Variants in NLE1 observed in about 807,000 individuals in gnomAD.
NLE1 encodes the protein notchless protein homolog 1.
Under a neutral mutation model 62.8 loss-of-function variants are expected in NLE1, and 37 were observed. The ratio of observed to expected loss-of-function variants is 0.59; its 90% confidence interval spans 0.45 to 0.78. The LOEUF (loss-of-function observed/expected upper bound fraction) is 0.78. Among genes scored for constraint, NLE1 ranks in the 30% least tolerant of loss-of-function variants. NLE1 has a pLI of 0.00. For missense variants in NLE1, 555 were observed against 637.9 expected (o/e 0.87, Z 1.40); for synonymous variants, 243 against 253.0 (o/e 0.96, Z 0.37).
chr17:35,133,777 G>A (rs574657498), intron 10 of NLE1, among the ~76,000 whole-genome samples: 366 of 152,180 alleles, frequency 2.4e-3, no homozygotes, highest in Non-Finnish European at 4.6e-3. Flanking sequence ...AGACTCCAAC[G>A]TGGCCATCTG....
At chr17:35,135,748 T>C (rs948891842) in intron 9 of NLE1, among the ~76,000 whole-genome samples, 1 of 152,280 alleles carries the variant, frequency 6.6e-6, no homozygotes, top group South Asian at 2.1e-4. Context: ...TGTATGCATG[T>C]GTGTGTGTGC....
At chr17:35,136,830 T>C (rs1460408908) in intron 7 of NLE1, among the ~76,000 whole-genome samples, 171 bp downstream of exon 7, 2 of 152,136 alleles carry the variant, frequency 1.3e-5, no homozygotes, top group African/African-American at 4.8e-5. Flanking sequence ...ATCTCCACTA[T>C]GGTGCAGCAC....
Position 35,130,442 on chromosome 17 carries a change from G to A in NLE1, c.*1995C>T. 1 of 1,612,146 alleles carries A rather than the reference G, an allele frequency of 6.2e-7. No individual in the cohort carries two copies. The highest frequency in any genetic ancestry group is 8.5e-7 in the Non-Finnish European group (1 of 1,179,054). On this transcript the variant is annotated 3_prime_UTR_variant, in exon 13 of 13. Transcript: ENST00000442241. ...TACCTATTTCCCTGTTAAGGGGGAGGGCCCCAGGACACCCCTCACCTACTT... is the reference window on the plus strand; with the variant it reads ...TACCTATTTCCCTGTTAAGGGGGAGAGCCCCAGGACACCCCTCACCTACTT...
intron 4 of NLE1, among the ~76,000 whole-genome samples, chr17:35,138,908 G>C (rs1415157660): frequency 1.3e-5 from 2 of 150,788 alleles, no homozygotes; most frequent in Non-Finnish European, 2.9e-5. Context: ...GTTTCTGCTT[G>C]TGTCTAAGTG....
intron 11 of NLE1, 34 bp from the exon 12 acceptor site, chr17:35,133,275 TGA>T (rs1567743762): frequency 2.5e-6 from 4 of 1,613,818 alleles, no homozygotes; most frequent in Non-Finnish European, 3.4e-6. Context: ...GGTGGGGTGG[TGA>T]GAGGGAGACA....
rs144006191 is a variant in NLE1, at chr17:35,138,906, TTG to T, written c.460+327_460+328del. Among the ~76,000 whole-genome samples the T allele has an allele frequency of 4.6e-3, 700 of 152,166 alleles. 12 individuals are homozygous for T. In the East Asian group the frequency reaches 0.069, roughly 15 times the overall value. ...ATTGACTCCTTGGTGCAGTTTCTGC[TTG>T]TGTCTAAGTGGCTGGCTGGGCTCAA... is the stretch of plus-strand genomic sequence containing the variant. On this transcript the variant is annotated intron_variant, in intron 4 of 12. Transcript: ENST00000442241.
chr17:35,136,943 C>T, intron 7 of NLE1, 58 bp downstream of exon 7: 1 of 1,462,870 alleles, frequency 6.8e-7, no homozygotes, highest in Non-Finnish European at 9.4e-7. Context: ...ATTCTGAGTG[C>T]CAGCATCTTG....
In NLE1 at chr17:35,130,962, T is replaced by C. The variant is rs576046298; in HGVS notation, c.*1475A>G. The C allele has an allele frequency of 1.3e-4, 21 of 156,280 alleles. No homozygotes were observed. Among genetic ancestry groups the C allele is most frequent in the Admixed American group, 4.3e-4 (7 of 16,364 alleles). The allele number at this position is 156,280 out of a possible 1,614,324, so 9.7% of individuals were successfully genotyped here. A position where few individuals can be genotyped will look rare whatever the true frequency, so the allele number is the denominator to read the frequency against. On this transcript the variant is annotated 3_prime_UTR_variant, in exon 13 of 13. Transcript: ENST00000442241. ...CAGAAAAATACAGAAATAGCTGTCA[T>C]GGACAGACGTGGTGGCCCATGAACT...
At position 35,130,966 on chromosome 17, in the gene NLE1, CA is replaced by C. The variant is rs2091873160; in HGVS notation, c.*1470del. 1.3e-5 allele frequency: 2 copies of C among 156,074 alleles called. No individual in the cohort carries two copies. The highest frequency in any genetic ancestry group is 6.1e-5 in the Admixed American group (1 of 16,332). The allele number at this position is 156,074 out of a possible 1,614,324, so 9.7% of individuals were successfully genotyped here. A position where few individuals can be genotyped will look rare whatever the true frequency, so the allele number is the denominator to read the frequency against. ...AAAATACAGAAATAGCTGTCATGGA[CA>C]GACGTGGTGGCCCATGAACTGTCAA... On this transcript the variant is annotated 3_prime_UTR_variant, in exon 13 of 13. Coordinates refer to ENST00000442241, the MANE Select transcript of NLE1 (RefSeq NM_018096.5).
At chr17:35,137,727 T>TC (rs1321751527) in intron 5 of NLE1, 87 bp from the exon 6 acceptor site, 1 of 541,860 alleles carries the variant, frequency 1.8e-6, no homozygotes, top group Admixed American at 2.3e-5. Context: ...CACCCAACCC[T>TC]CCCCAAAGAC....
At chr17:35,141,884 C>A in intron 2 of NLE1, 95 bp downstream of exon 2, 1 of 1,377,218 alleles carries the variant, frequency 7.3e-7, no homozygotes, top group Non-Finnish European at 9.9e-7. Flanking sequence ...AGTCCGTTAG[C>A]GGGGGACCAT....
Position 35,136,426 on chromosome 17 carries a change from G to C in NLE1, c.900C>G (p.Ala300=). ...VNTMALSTDY[A]LRTGAFEPAE... ...CAGGTTCAAAGGCCCCAGTGCGCAG[G>C]GCATAGTCAGTGCTGAGGGCCATGG... Residue 300 remains alanine (A), a synonymous_variant, in exon 8 of 13, where the codon GCC becomes GCG. Transcript: ENST00000442241. 4 of 1,614,164 alleles carry C rather than the reference G, an allele frequency of 2.5e-6. No homozygotes were observed. In the African/African-American group the frequency reaches 4.0e-5, roughly 16 times the overall value.
At chr17:35,135,866 G>A (rs1017617160) in intron 9 of NLE1, among the ~76,000 whole-genome samples, 7 of 152,130 alleles carry the variant, frequency 4.6e-5, no homozygotes, top group Non-Finnish European at 1.0e-4. Context: ...GAGACTCCGC[G>A]ATCTACCTTT....
intron 12 of NLE1, 30 bp from the exon 13 acceptor site, chr17:35,132,479 G>C (rs1189451124): frequency 7.3e-7 from 1 of 1,367,382 alleles, no homozygotes; most frequent in East Asian, 2.8e-5. Context: ...GTCAGGATGG[G>C]GATTCCACCT....
chr17:35,134,395 T>A (rs965895261), intron 10 of NLE1, among the ~76,000 whole-genome samples: 1 of 151,984 alleles, frequency 6.6e-6, no homozygotes, highest in Non-Finnish European at 1.5e-5. Context: ...TCCTAAGACA[T>A]AAACTAGCAT....
rs376046475 is a variant in NLE1 at position 35,135,307 on chromosome 17, T to A, written c.1156A>T (p.Ile386Phe). 67 of 1,614,060 alleles carry A rather than the reference T, an allele frequency of 4.2e-5. No homozygotes were observed. The highest frequency in any genetic ancestry group is 5.7e-5 in the Non-Finnish European group (67 of 1,180,042). ...TTGTCAAAGGAGGCACTAGCCACGA[T>A]GCGGGAGTCAGGAGAGAAGAGCACC... ...NQVLFSPDSR[I>F]VASASFDKSI... Residue 386 changes from isoleucine (I) to phenylalanine (F), a missense_variant, in exon 10 of 13, where the codon ATC becomes TTC. By Grantham distance (21) the Ile-to-Phe change is conservative (BLOSUM62 0). Transcript: ENST00000442241.
In NLE1 at chr17:35,129,385, A is replaced by C. The variant is rs367578466; in HGVS notation, c.*3052T>G. ...GGTGAAGGGACAGGAAGGACAGGAC[A>C]TATCTGAGGAAGCCTCGGGGCTCTC... On this transcript the variant is annotated 3_prime_UTR_variant, in exon 13 of 13. Coordinates refer to ENST00000442241, the MANE Select transcript of NLE1 (RefSeq NM_018096.5). 1.2e-6 allele frequency: 2 copies of C among 1,603,902 alleles called. No homozygotes were observed. The highest frequency in any genetic ancestry group is 2.7e-5 in the African/African-American group (2 of 74,852).
In NLE1 at chr17:35,140,048, C is replaced by A. The variant is rs750622377; in HGVS notation, c.181G>T (p.Ala61Ser). 2.5e-6 allele frequency: 4 copies of A among 1,613,460 alleles called. No individual in the cohort carries two copies. Among genetic ancestry groups the A allele is most frequent in the Non-Finnish European group, 3.4e-6 (4 of 1,179,992 alleles). ...LLAQEDPLPLAFFVHDAEIVS... is the reference protein window; with the variant it reads ...LLAQEDPLPLSFFVHDAEIVS... The stretch of plus-strand genomic sequence containing the variant: ...ATCTCAGCATCGTGGACAAAGAAAG[C>A]CAGTGGCAGGGGATCCTCCTGAAGG... Residue 61 changes from alanine to serine, a missense_variant, in exon 3 of 13, where the codon GCT (alanine) becomes TCT (serine). By Grantham distance (99) the Ala-to-Ser change is moderately conservative (BLOSUM62 1). Coordinates refer to ENST00000442241, the MANE Select transcript of NLE1 (RefSeq NM_018096.5).
At chr17:35,137,938 C>T in intron 4 of NLE1, 48 bp from the exon 5 acceptor site, 1 of 1,445,328 alleles carries the variant, frequency 6.9e-7, no homozygotes, top group Non-Finnish European at 9.6e-7. Flanking sequence ...CTGTCTTTAT[C>T]CCAAGTGCCC....
Sources: gnomAD v4.1 joint callset for allele counts (sites outside exome capture counted in the v4.1 genomes callset) on GRCh38, gnomAD v4.1.1 for gene constraint, MANE v1.5 for transcripts, NCBI Gene and HGNC (gene_info 2026-07-23, HGNC 2026-07-21) for gene names.